Variants in ABTB3 observed in about 807,000 individuals in gnomAD.
The protein encoded by ABTB3 is ankyrin repeat- and BTB/POZ domain-containing protein 3.
At chr12:107,383,333 T>TGC in the ABTB3 span, among the ~76,000 whole-genome samples, 1 of 152,158 alleles carries the variant, frequency 6.6e-6, no homozygotes, top group African/African-American at 2.4e-5. Context: ...TCTGTGTGTG[T>TGC]GCCGCATTTT....
chr12:107,359,611 C>T, the ABTB3 span, among the ~76,000 whole-genome samples: 1 of 152,124 alleles, frequency 6.6e-6, no homozygotes, highest in Admixed American at 6.5e-5. Context: ...TTATTTAGGA[C>T]TTTGTTTTTG....
the ABTB3 span, among the ~76,000 whole-genome samples, chr12:107,542,311 C>CAAAAAAA: frequency 8.4e-6 from 1 of 119,204 alleles, no homozygotes; most frequent in Admixed American, 9.7e-5. Context: ...AACTCTGTCT[C>CAAAAAAA]AAAAAAAAAA....
At chr12:107,635,090 C>T in the ABTB3 span, 2 of 457,830 alleles carry the variant, frequency 4.4e-6, no homozygotes, top group Non-Finnish European at 7.7e-6. Context: ...TAGAAATAGA[C>T]AGTGGACAAA....
the ABTB3 span, among the ~76,000 whole-genome samples, chr12:107,377,052 A>G: frequency 6.6e-6 from 1 of 152,076 alleles, no homozygotes; most frequent in African/African-American, 2.4e-5. Flanking sequence ...TTCAGGACTG[A>G]AGGGCCTCCC....
chr12:107,494,984 C>T, the ABTB3 span, among the ~76,000 whole-genome samples: 3 of 152,186 alleles, frequency 2.0e-5, no homozygotes, highest in Admixed American at 6.5e-5. Flanking sequence ...TGAGCTGTCA[C>T]TAAGAGAGCC....
chr12:107,478,831 G>C, the ABTB3 span, among the ~76,000 whole-genome samples: 1 of 151,956 alleles, frequency 6.6e-6, no homozygotes, highest in Admixed American at 6.6e-5. Context: ...CACCATCTCA[G>C]CCACTGACCC....
chr12:107,480,076 A>T, the ABTB3 span, among the ~76,000 whole-genome samples: 1 of 152,192 alleles, frequency 6.6e-6, no homozygotes. Flanking sequence ...CTACTGAAGG[A>T]TGTGGACTTT....
chr12:107,518,658 C>T, the ABTB3 span, among the ~76,000 whole-genome samples: 14 of 151,794 alleles, frequency 9.2e-5, no homozygotes, highest in Middle Eastern at 3.4e-3. Context: ...ATGTAAATGA[C>T]GAGTTAATGG....
At chr12:107,597,365 G>A in the ABTB3 span, among the ~76,000 whole-genome samples, 7 of 152,330 alleles carry the variant, frequency 4.6e-5, no homozygotes, top group South Asian at 1.5e-3. Context: ...TTGGCTCACA[G>A]TTCTAGAGTC....
At chr12:107,335,962 T>C in the ABTB3 span, among the ~76,000 whole-genome samples, 1 of 152,188 alleles carries the variant, frequency 6.6e-6, no homozygotes. Flanking sequence ...TGACTCTCCC[T>C]TCCTCCTCCT....
chr12:107,410,758 TGGA>T, the ABTB3 span, among the ~76,000 whole-genome samples: 2 of 151,250 alleles, frequency 1.3e-5, no homozygotes, highest in African/African-American at 4.9e-5. Flanking sequence ...AGGGAGAGAG[TGGA>T]GGAGAATGGG....
the ABTB3 span, among the ~76,000 whole-genome samples, chr12:107,599,852 T>C: frequency 3.3e-5 from 5 of 152,310 alleles, no homozygotes; most frequent in Middle Eastern, 3.4e-3. Flanking sequence ...AGTGATGGTA[T>C]TTCCCTGAGA....
At chr12:107,459,968 C>T in the ABTB3 span, among the ~76,000 whole-genome samples, 1 of 152,150 alleles carries the variant, frequency 6.6e-6, no homozygotes, top group South Asian at 2.1e-4. Flanking sequence ...GGTTGGGGGG[C>T]CGTAAGAAAA....
At chr12:107,440,416 C>T in the ABTB3 span, among the ~76,000 whole-genome samples, 2 of 152,360 alleles carry the variant, frequency 1.3e-5, no homozygotes, top group South Asian at 2.1e-4. Context: ...CAGGGCTGAC[C>T]CTTCTCGTCC....
At chr12:107,430,494 T>C in the ABTB3 span, among the ~76,000 whole-genome samples, 1 of 152,358 alleles carries the variant, frequency 6.6e-6, no homozygotes, top group Admixed American at 6.5e-5. Context: ...TCCCACACTC[T>C]TGGCTTTCAA....
the ABTB3 span, among the ~76,000 whole-genome samples, chr12:107,432,073 T>C: frequency 0.013 from 1,962 of 152,332 alleles, 24 homozygotes; most frequent in African/African-American, 0.019. Flanking sequence ...TATGTGGTTA[T>C]GTTGTCCAGC....
At chr12:107,562,645 A>G in the ABTB3 span, among the ~76,000 whole-genome samples, 2 of 152,208 alleles carry the variant, frequency 1.3e-5, no homozygotes, top group African/African-American at 2.4e-5. Flanking sequence ...AGCTCAGTAC[A>G]TTTTTGTCAG....
At chr12:107,585,134 GT>G in the ABTB3 span, among the ~76,000 whole-genome samples, 1 of 152,124 alleles carries the variant, frequency 6.6e-6, no homozygotes, top group Non-Finnish European at 1.5e-5. Context: ...ACAAGAGGCC[GT>G]TTTTCTGCTC....
chr12:107,459,481 G>A, the ABTB3 span, among the ~76,000 whole-genome samples: 1 of 152,184 alleles, frequency 6.6e-6, no homozygotes, highest in Non-Finnish European at 1.5e-5. Context: ...AAACCTATAG[G>A]AGGTTAGATG....
Sources: gnomAD v4.1 joint callset for allele counts (sites outside exome capture counted in the v4.1 genomes callset) on GRCh38, gnomAD v4.1.1 for gene constraint, MANE v1.5 for transcripts, NCBI Gene and HGNC (gene_info 2026-07-23, HGNC 2026-07-21) for gene names.